The following NFAM1 variants were observed in gnomAD, a reference collection of about 807,000 sequenced individuals.
The protein encoded by NFAM1 is NFAT activating protein with ITAM motif 1.
In NFAM1, 17 loss-of-function variants were observed where a neutral mutation model predicts 29.0. The ratio of observed to expected loss-of-function variants is 0.59; its 90% confidence interval spans 0.40 to 0.88. The LOEUF (loss-of-function observed/expected upper bound fraction) is 0.88, where lower values mean the gene tolerates loss of function less well. Among genes scored for constraint, NFAM1 ranks in the 40% least tolerant of loss-of-function variants. NFAM1 has a pLI of 0.00. For missense variants in NFAM1, 324 were observed against 344.6 expected, an observed-to-expected ratio of 0.94 and a Z score of 0.47; for synonymous variants, 175 against 147.2, an observed-to-expected ratio of 1.19 and a Z score of -1.36.
chr22:42,414,254 T>A (rs575902717), intron 1 of NFAM1, among the ~76,000 whole-genome samples: 1 of 152,130 alleles, frequency 6.6e-6, no homozygotes, highest in African/African-American at 2.4e-5. Flanking sequence ...TCCCCTCTGG[T>A]GGACGGAGCA....
At chr22:42,406,494 C>A (rs1326921637) in intron 3 of NFAM1, among the ~76,000 whole-genome samples, 3 of 152,190 alleles carry the variant, frequency 2.0e-5, no homozygotes, top group African/African-American at 7.2e-5. Flanking sequence ...CAGGCTACAC[C>A]AGCCACATGG....
At chr22:42,433,746 G>A (rs1930875217), upstream of NFAM1, among the ~76,000 whole-genome samples, 1 of 152,148 alleles carries the variant, frequency 6.6e-6, no homozygotes, top group African/African-American at 2.4e-5. Flanking sequence ...GGCAGGCGGG[G>A]ACCCCAGTGT....
At chr22:42,426,842 A>G (rs1420963468) in intron 1 of NFAM1, among the ~76,000 whole-genome samples, 3 of 151,528 alleles carry the variant, frequency 2.0e-5, no homozygotes, top group Non-Finnish European at 4.4e-5. Context: ...CCCCTCCCTC[A>G]CTGTGCCCTC....
At chr22:42,401,198 CACGGGA>C (rs1929714275) in intron 3 of NFAM1, among the ~76,000 whole-genome samples, 1 of 152,220 alleles carries the variant, frequency 6.6e-6, no homozygotes. Context: ...CTTCTGAAGA[CACGGGA>C]GGAACTTCAA....
chr22:42,391,035 G>A (rs1378507228), intron 4 of NFAM1, among the ~76,000 whole-genome samples: 1 of 152,068 alleles, frequency 6.6e-6, no homozygotes, highest in Non-Finnish European at 1.5e-5. Context: ...CCAGCTGCTG[G>A]GCCTTGAAAC....
chr22:42,393,715 CAAA>C (rs757153855), intron 4 of NFAM1, among the ~76,000 whole-genome samples: 1 of 97,008 alleles, frequency 1.0e-5, no homozygotes. Flanking sequence ...TGCACCCAGC[CAAA>C]AAAAAAAAAA....
chr22:42,424,121 A>C (rs903896932), intron 1 of NFAM1, among the ~76,000 whole-genome samples: 9 of 152,188 alleles, frequency 5.9e-5, no homozygotes, highest in African/African-American at 2.2e-4. Context: ...TCTTTAAAAA[A>C]AAACAAACAC....
At chr22:42,402,982 C>G (rs149344374) in intron 3 of NFAM1, among the ~76,000 whole-genome samples, 2 of 151,848 alleles carry the variant, frequency 1.3e-5, no homozygotes, top group Non-Finnish European at 2.9e-5. Context: ...TTACAGGAGC[C>G]TACCACCATG....
chr22:42,435,806 TTTC>T (rs201045671), upstream of NFAM1, among the ~76,000 whole-genome samples: 486 of 146,690 alleles, frequency 3.3e-3, 9 homozygotes, highest in Middle Eastern at 6.9e-3. Flanking sequence ...AAGATTTCCT[TTTC>T]TTCTTCTTTT....
chr22:42,387,269 G>C (rs1929182773), intron 4 of NFAM1, among the ~76,000 whole-genome samples, 191 bp from the exon 5 acceptor site: 1 of 152,038 alleles, frequency 6.6e-6, no homozygotes, highest in South Asian at 2.1e-4. Flanking sequence ...GTAAAGGGCT[G>C]ACCCCTCTCT....
chr22:42,395,316 A>G (rs1281633012), intron 4 of NFAM1, among the ~76,000 whole-genome samples: 4 of 152,068 alleles, frequency 2.6e-5, no homozygotes, highest in Admixed American at 2.6e-4. Flanking sequence ...TCTACTAAAA[A>G]TACAAAAAAA....
At chr22:42,394,252 G>C (rs1929444609) in intron 4 of NFAM1, among the ~76,000 whole-genome samples, 1 of 151,940 alleles carries the variant, frequency 6.6e-6, no homozygotes. Context: ...TGGTCAGGCT[G>C]GTCTCAAACT....
chr22:42,392,005 T>G (rs1929361320), intron 4 of NFAM1, among the ~76,000 whole-genome samples: 1 of 150,128 alleles, frequency 6.7e-6, no homozygotes, highest in South Asian at 2.1e-4. Context: ...TGTTTAGACA[T>G]TCAAGTGGGG....
At chr22:42,426,937 T>G (rs73886100) in intron 1 of NFAM1, among the ~76,000 whole-genome samples, 3,490 of 152,212 alleles carry the variant, frequency 0.023, 121 homozygotes, top group African/African-American at 0.08. Context: ...TGGTACTGGA[T>G]GTACCTTCCT....
At chr22:42,402,631 T>C (rs9623581) in intron 3 of NFAM1, among the ~76,000 whole-genome samples, 35,712 of 149,774 alleles carry the variant, frequency 0.24, 6,269 homozygotes, top group African/African-American at 0.48. Flanking sequence ...CTGTGCCCAA[T>C]GCCATGAGAG....
intron 4 of NFAM1, among the ~76,000 whole-genome samples, chr22:42,389,311 C>A (rs112713574): frequency 3.9e-5 from 6 of 152,146 alleles, no homozygotes; most frequent in Non-Finnish European, 7.4e-5. Flanking sequence ...GGCGAGTGGG[C>A]GGTGGTGCAG....
chr22:42,421,677 G>C (rs899041780), intron 1 of NFAM1, among the ~76,000 whole-genome samples: 3 of 152,154 alleles, frequency 2.0e-5, no homozygotes, highest in African/African-American at 7.2e-5. Flanking sequence ...AGTCAAGGGC[G>C]TGAGGACCCA....
Position 42,388,391 on chromosome 22 carries a change from A to G in NFAM1, c.664-1313T>C, listed in dbSNP as rs1385567975. Among the ~76,000 whole-genome samples, 2 of 152,212 alleles carry G rather than the reference A, an allele frequency of 1.3e-5. No homozygotes were observed. Among genetic ancestry groups the G allele is most frequent in the East Asian group, 3.8e-4 (2 of 5,200 alleles). ...CTTAATAAACTGCTGTTGAATGGTC[A>G]AGAGAAGCATGAGGCCTGCCCACCT... On this transcript the variant is annotated intron_variant, in intron 4 of 5. Coordinates refer to ENST00000329021, the MANE Select transcript of NFAM1 (RefSeq NM_145912.8). This position sits in a 1 kb window ranked among gnomAD's most constrained non-coding sequence, Gnocchi z 4.1.
Position 42,383,755 on chromosome 22 carries a change from C to CG in NFAM1, c.*1405_*1406insC, listed in dbSNP as rs1569223353. On this transcript the variant is annotated 3_prime_UTR_variant, in exon 6 of 6. Transcript: ENST00000329021. The stretch of plus-strand genomic sequence containing the variant: ...GGGCCTGTGCCTTGGGTTCCCCCCC[C>CG]TCCCTGGGCACATTTGGGGTTGGGG... 1 of 152,764 alleles carries CG rather than the reference C, an allele frequency of 6.5e-6. No individual in the cohort carries two copies. The highest frequency in any genetic ancestry group is 2.4e-5 in the African/African-American group (1 of 41,464). The allele number at this position is 152,764 out of a possible 1,614,324, so 9.5% of individuals were successfully genotyped here.
Sources: gnomAD v4.1 joint callset for allele counts (sites outside exome capture counted in the v4.1 genomes callset) on GRCh38, gnomAD v4.1.1 for gene constraint, Gnocchi (gnomAD v3.1) non-coding constraint, MANE v1.5 for transcripts, NCBI Gene and HGNC (gene_info 2026-07-23, HGNC 2026-07-21) for gene names.